Variants in HSD17B12 observed in about 807,000 individuals in gnomAD.
HSD17B12 encodes very-long-chain 3-oxoacyl-CoA reductase.
Under a neutral mutation model 39.3 loss-of-function variants are expected in HSD17B12, and 32 were observed. The observed-to-expected ratio is 0.81, with a 90% confidence interval of 0.61 to 1.09. The LOEUF is 1.09. Ranked by LOEUF, HSD17B12 falls within the 50% of genes least tolerant of loss-of-function variation. The pLI is 0.00. For synonymous variants in HSD17B12, 150 were observed against 146.7 expected, an observed-to-expected ratio of 1.02 and a Z score of -0.16; for missense variants, 342 against 382.9, an observed-to-expected ratio of 0.89 and a Z score of 0.89.
chr11:43,797,929 T>C (rs1426829379), intron 3 of HSD17B12, among the ~76,000 whole-genome samples: 1 of 152,190 alleles, frequency 6.6e-6, no homozygotes, highest in Non-Finnish European at 1.5e-5. Flanking sequence ...GACTTCTTCC[T>C]GAAGTTACAA....
chr11:43,562,529 A>G, the HSD17B12 span, among the ~76,000 whole-genome samples: 33 of 152,358 alleles, frequency 2.2e-4, no homozygotes, highest in Non-Finnish European at 2.9e-4. Flanking sequence ...CCTGGCACAT[A>G]CCAAATGTCT....
upstream of HSD17B12, among the ~76,000 whole-genome samples, chr11:43,677,703 T>G (rs185183359): frequency 6.6e-5 from 10 of 151,306 alleles, no homozygotes; most frequent in African/African-American, 1.5e-4. Context: ...GTTGGGTTTT[T>G]GTCCTTGCGA....
chr11:43,778,327 A>G lies in HSD17B12; in HGVS notation c.284-19993A>G, dbSNP rs1950730482. 3.3e-5 allele frequency among the ~76,000 whole-genome samples: 5 copies of G among 152,368 alleles called. 1 individual carries two copies. The South Asian group carries it at 8.3e-4, about 25-fold the overall frequency. On this transcript the variant is annotated intron_variant, in intron 3 of 10. Coordinates refer to ENST00000278353, the MANE Select transcript of HSD17B12 (RefSeq NM_016142.3). ...GAACAGACCAATAACAGGATCTGAA[A>G]TTGTGGCAATAATCAATAGCTTACC...
chr11:43,633,106 A>G, the HSD17B12 span, among the ~76,000 whole-genome samples: 2 of 152,178 alleles, frequency 1.3e-5, no homozygotes, highest in Admixed American at 1.3e-4. Context: ...CCCATAATGT[A>G]TGTTGTACCC....
the HSD17B12 span, among the ~76,000 whole-genome samples, chr11:43,662,377 TTGTGTGTGTGTG>T: frequency 4.0e-4 from 52 of 128,478 alleles, no homozygotes; most frequent in South Asian, 1.3e-3. Flanking sequence ...TTTATTTTAT[TTGTGTGTGTGTG>T]TGTGTGTGTG....
At chr11:43,760,133 T>G (rs781594294) in intron 3 of HSD17B12, among the ~76,000 whole-genome samples, 4 of 152,094 alleles carry the variant, frequency 2.6e-5, no homozygotes, top group Non-Finnish European at 5.9e-5. Flanking sequence ...CCTGGCTTCA[T>G]GTGATCCACC....
At chr11:43,626,170 T>C in the HSD17B12 span, among the ~76,000 whole-genome samples, 1 of 151,620 alleles carries the variant, frequency 6.6e-6, no homozygotes, top group African/African-American at 2.4e-5. Flanking sequence ...CAATTGGAAA[T>C]TATACATTCT....
At chr11:43,640,581 T>C in the HSD17B12 span, among the ~76,000 whole-genome samples, 1 of 152,200 alleles carries the variant, frequency 6.6e-6, no homozygotes, top group Non-Finnish European at 1.5e-5. Flanking sequence ...CATATGTTTA[T>C]TTGAAGCTTA....
chr11:43,789,930 C>T (rs1170310181), intron 3 of HSD17B12, among the ~76,000 whole-genome samples: 1 of 152,032 alleles, frequency 6.6e-6, no homozygotes, highest in Non-Finnish European at 1.5e-5. Context: ...AGACCCTGTC[C>T]CACTGCCCAC....
chr11:43,778,533 A>G (rs1285068678), intron 3 of HSD17B12, among the ~76,000 whole-genome samples: 1 of 151,318 alleles, frequency 6.6e-6, no homozygotes, highest in Non-Finnish European at 1.5e-5. Flanking sequence ...ACACAACCAA[A>G]AAAGAGAATT....
At chr11:43,662,537 AAAAG>A in the HSD17B12 span, among the ~76,000 whole-genome samples, 1 of 152,128 alleles carries the variant, frequency 6.6e-6, no homozygotes, top group Non-Finnish European at 1.5e-5. Flanking sequence ...AAAAAAAAGA[AAAAG>A]AAAAATCTTC....
chr11:43,636,378 A>G, the HSD17B12 span, among the ~76,000 whole-genome samples: 1 of 152,190 alleles, frequency 6.6e-6, no homozygotes, highest in African/African-American at 2.4e-5. Flanking sequence ...GCGAATCCAG[A>G]GTTCTTGATT....
intron 2 of HSD17B12, among the ~76,000 whole-genome samples, chr11:43,753,746 A>G (rs1489829768): frequency 6.6e-6 from 1 of 152,154 alleles, no homozygotes; most frequent in South Asian, 2.1e-4. Flanking sequence ...TTTAAATTAT[A>G]GAAGTGGTAG....
At chr11:43,781,425 A>T (rs951960699) in intron 3 of HSD17B12, among the ~76,000 whole-genome samples, 1 of 152,152 alleles carries the variant, frequency 6.6e-6, no homozygotes, top group African/African-American at 2.4e-5. Context: ...CTTTTGTTTT[A>T]AAAAAAGAAT....
the HSD17B12 span, among the ~76,000 whole-genome samples, chr11:43,623,183 T>C: frequency 8.5e-5 from 13 of 152,144 alleles, no homozygotes; most frequent in African/African-American, 3.1e-4. Flanking sequence ...TTCTAGGTTT[T>C]AATCTGGAGA....
At chr11:43,851,935 T>C (rs998869509) in intron 9 of HSD17B12, 24 of 152,210 alleles carry the variant, frequency 1.6e-4, no homozygotes, top group African/African-American at 5.3e-4. Flanking sequence ...TGGCTCCTTT[T>C]CTTGGCTCCT....
At chr11:43,739,623 C>G (rs981749762) in intron 1 of HSD17B12, among the ~76,000 whole-genome samples, 1 of 152,172 alleles carries the variant, frequency 6.6e-6, no homozygotes, top group Non-Finnish European at 1.5e-5. Flanking sequence ...TAATTCCACT[C>G]ATGAGGGAGG....
intron 1 of HSD17B12, among the ~76,000 whole-genome samples, chr11:43,695,866 G>A (rs1410156159): frequency 6.6e-6 from 1 of 152,038 alleles, no homozygotes; most frequent in Non-Finnish European, 1.5e-5. Flanking sequence ...TTTATTTTAA[G>A]TTCAGGGGTG....
At chr11:43,847,458 A>G (rs1180163451) in intron 9 of HSD17B12, among the ~76,000 whole-genome samples, 2 of 152,142 alleles carry the variant, frequency 1.3e-5, no homozygotes, top group East Asian at 3.9e-4. Flanking sequence ...TAATCCCAGC[A>G]TTTTGGGAGG....
Sources: gnomAD v4.1 joint callset for allele counts (sites outside exome capture counted in the v4.1 genomes callset) on GRCh38, gnomAD v4.1.1 for gene constraint, MANE v1.5 for transcripts, NCBI Gene and HGNC (gene_info 2026-07-23, HGNC 2026-07-21) for gene names.